Variants in DOCK2 observed in about 807,000 individuals in gnomAD.
The protein encoded by DOCK2 is dedicator of cytokinesis protein 2.
A neutral mutation model predicts 248.9 loss-of-function variants in DOCK2; 87 were observed. The observed-to-expected ratio is 0.35, with a 90% CI of 0.29 to 0.42. DOCK2 has a LOEUF of 0.42. Among genes scored for constraint, DOCK2 ranks in the 10% least tolerant of loss-of-function variants. DOCK2 has a pLI of 1.00. For synonymous variants in DOCK2, 805 were observed against 821.6 expected (o/e 0.98, Z 0.35); for missense variants, 1,747 against 2,300.2 (o/e 0.76, Z 4.92).
chr5:169,678,692 T>C (rs948059909), intron 6 of DOCK2, among the ~76,000 whole-genome samples: 1 of 152,208 alleles, frequency 6.6e-6, no homozygotes, highest in African/African-American at 2.4e-5. Flanking sequence ...GAACTGATAA[T>C]GTGGCTCCAG....
At chr5:169,761,341 A>T in intron 24 of DOCK2, 178 bp from the exon 25 acceptor site, 1 of 601,592 alleles carries the variant, frequency 1.7e-6, no homozygotes, top group Non-Finnish European at 3.0e-6. Context: ...TAATGCTACT[A>T]ATATTCTATA....
intron 47 of DOCK2, among the ~76,000 whole-genome samples, chr5:170,076,582 T>G (rs1757849124): frequency 6.6e-6 from 1 of 152,244 alleles, no homozygotes; most frequent in African/African-American, 2.4e-5. Flanking sequence ...GCTGAGCTCC[T>G]TGGCCTAAAG....
intron 38 of DOCK2, among the ~76,000 whole-genome samples, chr5:170,045,042 T>C (rs2113847389): frequency 6.6e-6 from 1 of 152,264 alleles, no homozygotes; most frequent in African/African-American, 2.4e-5. Context: ...AGGGTTTCTT[T>C]GTTTAGAATT....
chr5:169,683,298 T>C (rs1000741618), intron 7 of DOCK2, among the ~76,000 whole-genome samples: 10 of 152,308 alleles, frequency 6.6e-5, no homozygotes, highest in African/African-American at 1.9e-4. Flanking sequence ...GGTGTGATCA[T>C]GGCTCACTGT....
At chr5:170,027,557 A>G (rs1268959330) in intron 33 of DOCK2, among the ~76,000 whole-genome samples, 1 of 152,134 alleles carries the variant, frequency 6.6e-6, no homozygotes, top group Non-Finnish European at 1.5e-5. Flanking sequence ...AAACAAGCTC[A>G]AATAACATGA....
intron 27 of DOCK2, among the ~76,000 whole-genome samples, chr5:169,848,428 T>A (rs918428905): frequency 2.0e-5 from 3 of 152,154 alleles, no homozygotes; most frequent in African/African-American, 7.2e-5. Flanking sequence ...TGGAGCAGCT[T>A]GAGGAAAAAT....
chr5:169,637,442 G>T (rs1270897839), intron 1 of DOCK2, 73 bp downstream of exon 1: 8 of 1,287,604 alleles, frequency 6.2e-6, no homozygotes, highest in Non-Finnish European at 7.9e-6. Flanking sequence ...AGGATGCTGC[G>T]GGGCCGGCGG....
chr5:169,923,683 A>G (rs1056078864), intron 27 of DOCK2, among the ~76,000 whole-genome samples: 7 of 152,244 alleles, frequency 4.6e-5, no homozygotes, highest in African/African-American at 1.7e-4. Flanking sequence ...AGGACTAAGT[A>G]AGGCACTGAA....
chr5:169,944,080 C>G (rs774387855), intron 27 of DOCK2, among the ~76,000 whole-genome samples: 2 of 152,170 alleles, frequency 1.3e-5, no homozygotes, highest in African/African-American at 2.4e-5. Context: ...GGGGTAAGCA[C>G]TTTACCTGGA....
Position 169,714,148 on chromosome 5 carries a change from G to A in DOCK2, c.1780G>A (p.Val594Ile), listed in dbSNP as rs777647196. Reference protein sequence around the residue: ...RSSSSVGGLSVSSRDVFSIST... With the variant: ...RSSSSVGGLSISSRDVFSIST... The stretch of plus-strand genomic sequence containing the variant: ...CTCCAGCAGTGTTGGGGGGCTTTCT[G>A]TCAGCTCCCGGGATGTGTTCTCCAT... The change falls in exon 18 of 52, where the codon GTC (valine) becomes ATC (isoleucine). Residue 594 changes from valine (V) to isoleucine (I), a missense_variant. Coordinates refer to ENST00000520908, the MANE Select transcript of DOCK2 (RefSeq NM_004946.3). The A allele has an allele frequency of 1.2e-6, 2 of 1,613,650 alleles. No individual in the cohort carries two copies. The highest frequency in any genetic ancestry group is 1.7e-5 in the Admixed American group (1 of 59,962).
intron 34 of DOCK2, among the ~76,000 whole-genome samples, chr5:170,031,743 C>T (rs1052449513): frequency 2.6e-5 from 4 of 152,154 alleles, no homozygotes; most frequent in African/African-American, 9.7e-5. Context: ...CATTTCTAGC[C>T]AATTTTCCCA....
chr5:169,639,157 G>A (rs1757011580), intron 1 of DOCK2, among the ~76,000 whole-genome samples: 1 of 152,192 alleles, frequency 6.6e-6, no homozygotes, highest in Non-Finnish European at 1.5e-5. Context: ...ATTAGGATAG[G>A]AGTGGGGAAT....
At chr5:169,899,685 G>A (rs1235679410) in intron 27 of DOCK2, among the ~76,000 whole-genome samples, 1 of 152,188 alleles carries the variant, frequency 6.6e-6, no homozygotes, top group African/African-American at 2.4e-5. Context: ...GTTTTGTTGG[G>A]AGATGGTATT....
chr5:169,918,010 C>T (rs1774968792), intron 27 of DOCK2, among the ~76,000 whole-genome samples: 1 of 152,178 alleles, frequency 6.6e-6, no homozygotes, highest in Non-Finnish European at 1.5e-5. Context: ...TTCTGCCTTT[C>T]AGCAAGGAAA....
At chr5:169,695,389 TC>T (rs1378069052) in intron 9 of DOCK2, 1 of 172,254 alleles carries the variant, frequency 5.8e-6, no homozygotes, top group African/African-American at 2.4e-5. Context: ...TTTTTTCTCT[TC>T]CTTTTGTCTT....
intron 27 of DOCK2, among the ~76,000 whole-genome samples, chr5:169,947,003 G>T (rs761070423): frequency 3.3e-5 from 5 of 152,170 alleles, no homozygotes; most frequent in Non-Finnish European, 7.3e-5. Context: ...GGAGAGGAGC[G>T]CTGAGTATAC....
intron 38 of DOCK2, among the ~76,000 whole-genome samples, chr5:170,045,490 C>T (rs548070853): frequency 6.6e-6 from 1 of 152,262 alleles, no homozygotes; most frequent in Admixed American, 6.5e-5. Context: ...GTTGCTGGGC[C>T]TCTCTGAACC....
At chr5:169,960,420 T>C (rs930155207) in intron 27 of DOCK2, among the ~76,000 whole-genome samples, 1 of 152,240 alleles carries the variant, frequency 6.6e-6, no homozygotes, top group Non-Finnish European at 1.5e-5. Context: ...TTAATATGTC[T>C]TGTTTTTCAG....
At position 169,871,025 on chromosome 5, in the gene DOCK2, G is replaced by A. The variant is rs534821404; in HGVS notation, c.2799+30173G>A. 1.1e-4 allele frequency among the ~76,000 whole-genome samples: 16 copies of A among 152,294 alleles called. No individual in the cohort carries two copies. In the South Asian group the frequency reaches 2.9e-3, roughly 28 times the overall value. ...GGTCTACAGACAGCTGTATTCCCTT[G>A]CTGTGTCCTCACGTGGCAGAAAGGG... On this transcript the variant is annotated intron_variant, in intron 27 of 51. Transcript: ENST00000520908.
Sources: allele counts gnomAD v4.1 joint callset (sites outside exome capture counted in the v4.1 genomes callset), GRCh38; gene constraint gnomAD v4.1.1; transcripts MANE v1.5; gene names NCBI Gene and HGNC (gene_info 2026-07-23, HGNC 2026-07-21).